GRM7: variants seen among roughly 807,000 people sequenced by gnomAD.
GRM7 encodes the protein metabotropic glutamate receptor 7.
GRM7 carries 35 observed loss-of-function variants against 84.5 expected under a neutral mutation model. That is an observed-to-expected ratio of 0.41 (90% CI 0.32 to 0.55). GRM7 has a LOEUF of 0.55. Ranked by LOEUF, GRM7 falls within the 20% of genes least tolerant of loss-of-function variation. The pLI, the probability that GRM7 is intolerant of heterozygous loss-of-function variation, is 0.19. For missense variants in GRM7, 1,003 were observed against 1,194.6 expected, an observed-to-expected ratio of 0.84 and a Z score of 2.36; for synonymous variants, 487 against 455.1, an observed-to-expected ratio of 1.07 and a Z score of -0.89.
At chr3:7,721,798 T>C (rs886302544) in intron 9 of GRM7, among the ~76,000 whole-genome samples, 3 of 152,214 alleles carry the variant, frequency 2.0e-5, no homozygotes, top group African/African-American at 7.2e-5. Context: ...CCATTGATTA[T>C]GTGCACACAC....
intron 2 of GRM7, among the ~76,000 whole-genome samples, chr3:7,289,308 C>A (rs1699537832): frequency 1.3e-5 from 2 of 152,110 alleles, no homozygotes; most frequent in Non-Finnish European, 2.9e-5. Context: ...GCCAAGATAC[C>A]AGCTGTTGAA....
At chr3:7,326,258 A>C (rs1700982812) in intron 4 of GRM7, among the ~76,000 whole-genome samples, 1 of 148,630 alleles carries the variant, frequency 6.7e-6, no homozygotes, top group South Asian at 2.1e-4. Context: ...TTTAAAGTTC[A>C]AATTATAATT....
In GRM7 at chr3:7,062,187, G is replaced by T. The variant is rs1026640728; in HGVS notation, c.520-84265G>T. Among the ~76,000 whole-genome samples, 12 of 151,866 alleles carry T rather than the reference G, an allele frequency of 7.9e-5. 1 individual carries two copies. Among genetic ancestry groups the T allele is most frequent in the Admixed American group, 4.0e-4 (6 of 15,182 alleles). On this transcript the variant is annotated intron_variant, in intron 1 of 9. Transcript: ENST00000357716. Reference sequence around the variant, plus strand: ...GGCATGGTAAGCATTAAGCATCTTGGATTGTTTGGAATACAAGGATCATAG... The same window carrying T: ...GGCATGGTAAGCATTAAGCATCTTGTATTGTTTGGAATACAAGGATCATAG...
At chr3:6,983,348 G>A (rs1258596008) in intron 1 of GRM7, among the ~76,000 whole-genome samples, 3 of 152,160 alleles carry the variant, frequency 2.0e-5, no homozygotes, top group Non-Finnish European at 4.4e-5. Context: ...GATATTTTCA[G>A]CCTGGAGGTA....
intron 5 of GRM7, among the ~76,000 whole-genome samples, chr3:7,433,219 A>C (rs1276185457): frequency 6.6e-6 from 1 of 152,214 alleles, no homozygotes; most frequent in East Asian, 1.9e-4. Context: ...TATCTTGAGA[A>C]TCAAGAAGTC....
chr3:6,994,632 T>C (rs1296666540), intron 1 of GRM7, among the ~76,000 whole-genome samples: 1 of 152,270 alleles, frequency 6.6e-6, no homozygotes, highest in Non-Finnish European at 1.5e-5. Context: ...GACATGGTGA[T>C]TCCTTAAACT....
chr3:7,693,272 C>T (rs534548378), intron 9 of GRM7, among the ~76,000 whole-genome samples: 5 of 152,212 alleles, frequency 3.3e-5, no homozygotes, highest in African/African-American at 1.2e-4. Context: ...TCAAGTTTGG[C>T]ATGGAAACAT....
chr3:7,491,820 G>C (rs1042395464), intron 7 of GRM7, among the ~76,000 whole-genome samples: 2 of 152,160 alleles, frequency 1.3e-5, no homozygotes, highest in Non-Finnish European at 2.9e-5. Flanking sequence ...CTTAGTACAT[G>C]GTGAGTATAT....
intron 2 of GRM7, among the ~76,000 whole-genome samples, chr3:7,291,011 C>G (rs1699600527): frequency 6.6e-6 from 1 of 152,172 alleles, no homozygotes; most frequent in South Asian, 2.1e-4. Flanking sequence ...CACTGTTCCA[C>G]TCTGTCTCCC....
At chr3:7,387,122 C>G (rs1049810947) in intron 4 of GRM7, among the ~76,000 whole-genome samples, 8 of 151,956 alleles carry the variant, frequency 5.3e-5, no homozygotes, top group African/African-American at 1.7e-4. Context: ...TTAAAGGTCA[C>G]CATTTAATGG....
intron 8 of GRM7, among the ~76,000 whole-genome samples, chr3:7,665,329 A>G (rs1487466871): frequency 4.0e-5 from 6 of 150,428 alleles, no homozygotes; most frequent in African/African-American, 1.5e-4. Flanking sequence ...CCGCCACCGC[A>G]CCCGGCTAAT....
intron 2 of GRM7, among the ~76,000 whole-genome samples, chr3:7,239,975 A>C (rs1383268267): frequency 1.3e-5 from 2 of 152,154 alleles, no homozygotes; most frequent in Admixed American, 1.3e-4. Flanking sequence ...GCATCCTAAG[A>C]GTAAAAGGAC....
chr3:7,483,743 G>C lies in GRM7; in HGVS notation c.1515+22021G>C, dbSNP rs987269162. ...TAGGCCAGTTGGTTTTATTATTCCA[G>C]ATGAGAGATAGATATAGATAGATAT... On this transcript the variant is annotated intron_variant, in intron 7 of 9. Coordinates refer to ENST00000357716, the MANE Select transcript of GRM7 (RefSeq NM_000844.4). 2.6e-5 allele frequency among the ~76,000 whole-genome samples: 4 copies of C among 152,230 alleles called. No individual in the cohort carries two copies. In the East Asian group the frequency reaches 7.7e-4, roughly 29 times the overall value.
chr3:7,584,389 T>C (rs534885675), intron 8 of GRM7, among the ~76,000 whole-genome samples: 1 of 152,222 alleles, frequency 6.6e-6, no homozygotes, highest in Non-Finnish European at 1.5e-5. Flanking sequence ...TTGACTTATG[T>C]GCCTGTTGAA....
intron 5 of GRM7, among the ~76,000 whole-genome samples, chr3:7,442,166 GT>G (rs1697315652): frequency 6.6e-6 from 1 of 151,988 alleles, no homozygotes; most frequent in East Asian, 1.9e-4. Flanking sequence ...TTTCAGCAGT[GT>G]TTTGTAGTTG....
intron 2 of GRM7, among the ~76,000 whole-genome samples, chr3:7,234,724 A>T (rs1697295698): frequency 6.6e-6 from 1 of 152,178 alleles, no homozygotes; most frequent in Non-Finnish European, 1.5e-5. Context: ...TCATTAGTTT[A>T]AAAAAAGACT....
In GRM7 at chr3:7,486,501, A is replaced by G. The variant is rs1699327694; in HGVS notation, c.1515+24779A>G. Among the ~76,000 whole-genome samples the G allele has an allele frequency of 6.6e-6, 1 of 152,070 alleles. No homozygotes were observed. The highest frequency in any genetic ancestry group is 2.1e-4 in the South Asian group (1 of 4,818). The stretch of plus-strand genomic sequence containing the variant: ...AAGGGATTAATGCAGTCACTGGGAG[A>G]GTGAGTGAGTTTTTGCTTTCCTGGA... On this transcript the variant is annotated intron_variant, in intron 7 of 9. Transcript: ENST00000357716. The surrounding 1 kb of genome is among the most constrained non-coding windows in gnomAD (Gnocchi z 5.5).
At chr3:7,275,107 T>C (rs972493667) in intron 2 of GRM7, among the ~76,000 whole-genome samples, 2 of 152,174 alleles carry the variant, frequency 1.3e-5, no homozygotes, top group Admixed American at 6.6e-5. Context: ...ATTCTTCATA[T>C]CTAATATAGT....
chr3:7,352,076 C>CAT (rs1693184286), intron 4 of GRM7, among the ~76,000 whole-genome samples: 3 of 150,380 alleles, frequency 2.0e-5, no homozygotes, highest in Non-Finnish European at 4.4e-5. Context: ...CACACACACA[C>CAT]ACACACACAC....
Sources: gnomAD v4.1 joint callset for allele counts (sites outside exome capture counted in the v4.1 genomes callset) on GRCh38, gnomAD v4.1.1 for gene constraint, Gnocchi (gnomAD v3.1) non-coding constraint, MANE v1.5 for transcripts, NCBI Gene and HGNC (gene_info 2026-07-23, HGNC 2026-07-21) for gene names.